ST13: variants seen among roughly 807,000 people sequenced by gnomAD.
ST13 encodes hsc70-interacting protein.
ST13 carries 23 observed loss-of-function variants against 56.7 expected under a neutral mutation model. The ratio of observed to expected loss-of-function variants is 0.41; its 90% CI spans 0.29 to 0.57. ST13 has a LOEUF of 0.57. Ranked by LOEUF, ST13 falls within the 20% of genes least tolerant of loss-of-function variation. The pLI is 0.36. For synonymous variants in ST13, 132 were observed against 142.4 expected (o/e 0.93, Z 0.52); for missense variants, 369 against 459.9 (o/e 0.80, Z 1.81).
chr22:40,835,784 T>C lies in ST13; in HGVS notation c.467+19A>G. 4 of 1,612,438 alleles carry C rather than the reference T, an allele frequency of 2.5e-6. No individual in the cohort carries two copies. The highest frequency in any genetic ancestry group is 3.4e-6 in the Non-Finnish European group (4 of 1,178,632). ...AGAAATTATTTGCCAGGGGATGCTT[T>C]TCTGTTTAGAGTTCTCACCTGGCCC... On this transcript the variant is annotated intron_variant, in intron 6 of 11. Coordinates refer to ENST00000216218, the MANE Select transcript of ST13 (RefSeq NM_003932.5).
In ST13 at chr22:40,830,843, C is replaced by T; in HGVS notation, c.795G>A (p.Gln265=). The stretch of plus-strand genomic sequence containing the variant: ...GGCTTAGCTATAGGAAATTTACCCT[C>T]TGGGCTCTCTCATGCTCTTCTCGAG... ...KKAREEHERA[Q]REEEARRQSG... Residue 265 remains glutamine, a synonymous_variant, in exon 9 of 12, where the codon CAG becomes CAA. Transcript: ENST00000216218. 1.3e-6 allele frequency: 2 copies of T among 1,599,628 alleles called. No homozygotes were observed. The highest frequency in any genetic ancestry group is 1.7e-6 in the Non-Finnish European group (2 of 1,173,184).
intron 1 of ST13, among the ~76,000 whole-genome samples, chr22:40,851,877 C>G (rs901429753): frequency 2.0e-5 from 3 of 151,966 alleles, no homozygotes; most frequent in African/African-American, 7.3e-5. Flanking sequence ...TCCCAAGTAG[C>G]TGGGACTACA....
At chr22:40,832,449 A>G (rs577172801) in intron 8 of ST13, 120 bp downstream of exon 8, 4 of 712,598 alleles carry the variant, frequency 5.6e-6, no homozygotes, top group East Asian at 5.4e-5. Context: ...ATTACAGATT[A>G]TATCTTCCAA....
At chr22:40,842,023 T>C (rs1269854229) in intron 4 of ST13, among the ~76,000 whole-genome samples, 1 of 152,186 alleles carries the variant, frequency 6.6e-6, no homozygotes, top group Non-Finnish European at 1.5e-5. Context: ...CCGGCAAGCA[T>C]AATGGTATAA....
intron 8 of ST13, 62 bp downstream of exon 8, chr22:40,832,507 G>T: frequency 8.4e-7 from 1 of 1,196,050 alleles, no homozygotes; most frequent in Non-Finnish European, 1.2e-6. Flanking sequence ...GCTGTCGGGG[G>T]CTAAGCACTA....
At chr22:40,842,192 T>C (rs1432396547) in intron 4 of ST13, among the ~76,000 whole-genome samples, 1 of 152,096 alleles carries the variant, frequency 6.6e-6, no homozygotes, top group Non-Finnish European at 1.5e-5. Flanking sequence ...GGTCCTTGAG[T>C]TGGTAGCACC....
At chr22:40,831,255 A>G (rs1333893277) in intron 8 of ST13, among the ~76,000 whole-genome samples, 1 of 152,230 alleles carries the variant, frequency 6.6e-6, no homozygotes, top group Non-Finnish European at 1.5e-5. Flanking sequence ...CTTGCCTGCT[A>G]GTTTCTATCA....
At chr22:40,844,460 T>G (rs1181878739) in intron 4 of ST13, among the ~76,000 whole-genome samples, 1 of 152,170 alleles carries the variant, frequency 6.6e-6, no homozygotes, top group East Asian at 1.9e-4. Flanking sequence ...ATATAGAATT[T>G]TTTTTAAGCC....
rs142018148 is a variant in ST13 at position 40,844,848 on chromosome 22, T to C, written c.306A>G (p.Glu102=). 3 of 1,613,386 alleles carry C rather than the reference T, an allele frequency of 1.9e-6. No individual in the cohort carries two copies. The highest frequency in any genetic ancestry group is 2.5e-6 in the Non-Finnish European group (3 of 1,179,606). The change falls in exon 4 of 12, where the codon GAA becomes GAG. Residue 102 remains glutamate (E), a synonymous_variant. Coordinates refer to ENST00000216218, the MANE Select transcript of ST13 (RefSeq NM_003932.5). ...DTDAPQEMGD[E]NAEITEEMMD... Reference sequence around the variant, plus strand: ...AAGTCACCGAACTTACCTCCGCATTTTCATCTCCCATTTCTTGAGGAGCAT... The same window carrying C: ...AAGTCACCGAACTTACCTCCGCATTCTCATCTCCCATTTCTTGAGGAGCAT...
At chr22:40,831,014 C>T in intron 8 of ST13, 58 bp from the exon 9 acceptor site, 1 of 1,079,378 alleles carries the variant, frequency 9.3e-7, no homozygotes, top group Non-Finnish European at 1.4e-6. Context: ...AACATCAACA[C>T]AAATATTCTT....
At chr22:40,845,003 C>A in intron 3 of ST13, 94 bp from the exon 4 acceptor site, 2 of 788,516 alleles carry the variant, frequency 2.5e-6, no homozygotes, top group Non-Finnish European at 4.0e-6. Flanking sequence ...ATGACTACTA[C>A]AATTAATTAT....
intron 1 of ST13, among the ~76,000 whole-genome samples, chr22:40,851,951 G>T (rs1375085843): frequency 6.6e-6 from 1 of 152,100 alleles, no homozygotes; most frequent in African/African-American, 2.4e-5. Context: ...CACCATGTTA[G>T]CCAGAACGGT....
At chr22:40,850,937 C>T (rs535886624) in intron 1 of ST13, 57 bp from the exon 2 acceptor site, 17 of 1,340,034 alleles carry the variant, frequency 1.3e-5, no homozygotes, top group Middle Eastern at 1.9e-4. Flanking sequence ...CACTGTCACG[C>T]AACGTATTTA....
rs577421244 is a variant in ST13 at position 40,825,093 on chromosome 22, T to C, written c.*1445A>G. The C allele has an allele frequency of 5.3e-4, 81 of 152,274 alleles. No homozygotes were observed. The highest frequency in any genetic ancestry group is 1.8e-3 in the African/African-American group (73 of 41,568). The allele number at this position is 152,274 out of a possible 1,614,324, so 9.4% of individuals were successfully genotyped here. A position where few individuals can be genotyped will look rare whatever the true frequency, so the allele number is the denominator to read the frequency against. On this transcript the variant is annotated 3_prime_UTR_variant, in exon 12 of 12. Coordinates refer to ENST00000216218, the MANE Select transcript of ST13 (RefSeq NM_003932.5). ...AGAAACGTAGCAATGTCAGGTACAATGCCTATACTTAGTCTTATTTAAAAT... is the reference window on the plus strand; with the variant it reads ...AGAAACGTAGCAATGTCAGGTACAACGCCTATACTTAGTCTTATTTAAAAT...
intron 11 of ST13, 146 bp downstream of exon 11, chr22:40,826,950 A>G (rs2057731362): frequency 9.9e-7 from 1 of 1,009,092 alleles, no homozygotes; most frequent in East Asian, 2.5e-5. Flanking sequence ...CTGCATAAAG[A>G]AAATAAATGT....
In ST13 at chr22:40,826,588, C is replaced by A. The variant is rs769238046; in HGVS notation, c.1060G>T (p.Val354Phe). 2 of 1,602,616 alleles carry A rather than the reference C, an allele frequency of 1.2e-6. No homozygotes were observed. The highest frequency in any genetic ancestry group is 1.3e-5 in the African/African-American group (1 of 74,876). Residue 354 changes from valine to phenylalanine, a missense_variant, in exon 12 of 12, where the codon GTT becomes TTT. Val to Phe is a conservative substitution (Grantham distance 50, BLOSUM62 -1). Coordinates refer to ENST00000216218, the MANE Select transcript of ST13 (RefSeq NM_003932.5). ...GACAATTTACTGATGAGATTCATAACCTTTGGGTTGCTCTGGTATTTTGAC... is the reference window on the plus strand; with the variant it reads ...GACAATTTACTGATGAGATTCATAAACTTTGGGTTGCTCTGGTATTTTGAC... ...NMSKYQSNPKVMNLISKLSAK... is the reference protein window; with the variant it reads ...NMSKYQSNPKFMNLISKLSAK...
chr22:40,846,398 A>C (rs1161841465), intron 3 of ST13, among the ~76,000 whole-genome samples: 1 of 152,216 alleles, frequency 6.6e-6, no homozygotes, highest in African/African-American at 2.4e-5. Flanking sequence ...ACAGTATTAT[A>C]GTCATGCTGT....
rs1472884840 is a variant in ST13, at chr22:40,835,551, A to C, written c.578+9T>G. On this transcript the variant is annotated intron_variant, in intron 7 of 11. Coordinates refer to ENST00000216218, the MANE Select transcript of ST13 (RefSeq NM_003932.5). ...AGAGTTCTGAAAATAATTAAATTCAATTATTTACCTGTGTGCTTTCCCCCG... is the reference window on the plus strand; with the variant it reads ...AGAGTTCTGAAAATAATTAAATTCACTTATTTACCTGTGTGCTTTCCCCCG... 1 of 1,596,006 alleles carries C rather than the reference A, an allele frequency of 6.3e-7. No individual in the cohort carries two copies. The highest frequency in any genetic ancestry group is 8.6e-7 in the Non-Finnish European group (1 of 1,166,120).
At chr22:40,846,562 T>C (rs977253130) in intron 3 of ST13, among the ~76,000 whole-genome samples, 2 of 152,196 alleles carry the variant, frequency 1.3e-5, no homozygotes, top group South Asian at 4.1e-4. Flanking sequence ...GGTGGAGAGT[T>C]GGTTAAAAAA....
Sources: allele counts gnomAD v4.1 joint callset (sites outside exome capture counted in the v4.1 genomes callset), GRCh38; gene constraint gnomAD v4.1.1; transcripts MANE v1.5; gene names NCBI Gene and HGNC (gene_info 2026-07-23, HGNC 2026-07-21).